Variants in B3GALT1 observed in about 807,000 individuals in gnomAD.
The protein encoded by B3GALT1 is beta-1,3-galactosyltransferase 1, also known as UDP-Gal:betaGlcNAc beta 1,3-galactosyltransferase, polypeptide 1.
Under a neutral mutation model 23.2 loss-of-function variants are expected in B3GALT1, and 10 were observed. That is an observed-to-expected ratio of 0.43 (90% CI 0.27 to 0.73). The LOEUF (loss-of-function observed/expected upper bound fraction) is 0.73. Among genes scored for constraint, B3GALT1 ranks in the 30% least tolerant of loss-of-function variants. The pLI is 0.21. For synonymous variants in B3GALT1, 156 were observed against 141.5 expected, an observed-to-expected ratio of 1.10 and a Z score of -0.73; for missense variants, 299 against 405.4, an observed-to-expected ratio of 0.74 and a Z score of 2.25.
At position 167,386,945 on chromosome 2, in the gene B3GALT1, G is replaced by A. The variant is rs1472838830; in HGVS notation, c.-511+93611G>A. Among the ~76,000 whole-genome samples, 6 of 152,144 alleles carry A rather than the reference G, an allele frequency of 3.9e-5. No homozygotes were observed. The South Asian group carries it at 6.2e-4, about 16-fold the overall frequency. On this transcript the variant is annotated intron_variant, in intron 1 of 4. Coordinates refer to ENST00000392690, the MANE Select transcript of B3GALT1 (RefSeq NM_020981.4). ...TTAACTGTCTCTCACCTCCTCTGCC[G>A]CTTGAGTGACTCCTTGGTTGCTTTA... is the stretch of plus-strand genomic sequence containing the variant.
chr2:167,699,378 C>CTTTTTTTTT (rs1285786645), intron 3 of B3GALT1, among the ~76,000 whole-genome samples: 5 of 78,636 alleles, frequency 6.4e-5, no homozygotes, highest in Non-Finnish European at 1.3e-4. Flanking sequence ...GCCATTATTT[C>CTTTTTTTTT]TATTTTTTTT....
intron 1 of B3GALT1, among the ~76,000 whole-genome samples, chr2:167,325,962 C>T (rs9751666): frequency 0.8 from 120,927 of 151,860 alleles, 49,925 homozygotes; most frequent in Non-Finnish European, 0.9. Flanking sequence ...GTGGTCCACC[C>T]GCCTTGGCCT....
intron 3 of B3GALT1, among the ~76,000 whole-genome samples, chr2:167,745,332 G>A (rs974472769): frequency 2.6e-5 from 4 of 151,672 alleles, no homozygotes; most frequent in South Asian, 4.2e-4. Context: ...AACTAGACAC[G>A]ATTATGGTTA....
intron 1 of B3GALT1, among the ~76,000 whole-genome samples, chr2:167,322,627 G>T (rs1696831006): frequency 6.6e-6 from 1 of 151,958 alleles, no homozygotes; most frequent in South Asian, 2.1e-4. Context: ...GCAAGGGAAT[G>T]AATAAGAGAT....
intron 3 of B3GALT1, among the ~76,000 whole-genome samples, chr2:167,671,084 A>T (rs912833646): frequency 6.6e-6 from 1 of 152,202 alleles, no homozygotes; most frequent in African/African-American, 2.4e-5. Flanking sequence ...CTGTGACAAG[A>T]CCAAGAAGGT....
At chr2:167,736,624 G>C (rs938861390) in intron 3 of B3GALT1, among the ~76,000 whole-genome samples, 5 of 152,204 alleles carry the variant, frequency 3.3e-5, no homozygotes, top group African/African-American at 1.2e-4. Context: ...CAATGAGGCT[G>C]GATGCAGTGG....
intron 2 of B3GALT1, among the ~76,000 whole-genome samples, chr2:167,611,704 T>G (rs1685069829): frequency 6.6e-6 from 1 of 151,976 alleles, no homozygotes. Context: ...GAGCAGCGCC[T>G]TGGGGTCACA....
chr2:167,391,726 T>C (rs913493737), intron 1 of B3GALT1, among the ~76,000 whole-genome samples: 24 of 152,194 alleles, frequency 1.6e-4, no homozygotes, highest in African/African-American at 5.5e-4. Context: ...ACCCCTATTT[T>C]CTTTCTACAG....
chr2:167,623,575 G>A (rs963553672), intron 2 of B3GALT1, among the ~76,000 whole-genome samples: 3 of 151,986 alleles, frequency 2.0e-5, no homozygotes, highest in African/African-American at 7.2e-5. Flanking sequence ...GCACAGGGAG[G>A]GGAACATCAC....
chr2:167,778,282 T>C (rs1335917214), intron 3 of B3GALT1, among the ~76,000 whole-genome samples: 1 of 152,162 alleles, frequency 6.6e-6, no homozygotes, highest in Non-Finnish European at 1.5e-5. Context: ...CTGTGTTTTA[T>C]TTTCTCTTTT....
At chr2:167,669,146 G>A (rs558057791) in intron 3 of B3GALT1, among the ~76,000 whole-genome samples, 2 of 152,130 alleles carry the variant, frequency 1.3e-5, no homozygotes, top group African/African-American at 4.8e-5. Flanking sequence ...CTCCTCCTAA[G>A]AACAGAATTG....
intron 2 of B3GALT1, among the ~76,000 whole-genome samples, chr2:167,600,504 C>G (rs1388412406): frequency 2.6e-5 from 4 of 152,108 alleles, no homozygotes; most frequent in Non-Finnish European, 5.9e-5. Context: ...AAAAAAGAAA[C>G]CTGTACCCTT....
intron 2 of B3GALT1, among the ~76,000 whole-genome samples, chr2:167,580,604 T>A (rs1684466481): frequency 6.6e-6 from 1 of 152,182 alleles, no homozygotes; most frequent in African/African-American, 2.4e-5. Flanking sequence ...GACCACTCTC[T>A]GTTGGGCCTG....
At chr2:167,454,972 G>A (rs1219131024) in intron 1 of B3GALT1, among the ~76,000 whole-genome samples, 2 of 152,170 alleles carry the variant, frequency 1.3e-5, no homozygotes, top group African/African-American at 4.8e-5. Flanking sequence ...ATCCATTAAC[G>A]AGCAGCAGTA....
intron 2 of B3GALT1, among the ~76,000 whole-genome samples, chr2:167,571,376 C>G (rs1040698355): frequency 5.9e-5 from 9 of 151,878 alleles, no homozygotes; most frequent in Non-Finnish European, 1.0e-4. Flanking sequence ...CCTTAATTCT[C>G]TTTATTAACT....
intron 4 of B3GALT1, among the ~76,000 whole-genome samples, chr2:167,826,354 A>T (rs1413193415): frequency 6.6e-6 from 1 of 152,170 alleles, no homozygotes; most frequent in Non-Finnish European, 1.5e-5. Flanking sequence ...GACCAGTGTC[A>T]TTTGGTCCCT....
intron 2 of B3GALT1, among the ~76,000 whole-genome samples, chr2:167,513,614 A>G (rs774499842): frequency 5.9e-5 from 9 of 152,194 alleles, no homozygotes; most frequent in Non-Finnish European, 1.3e-4. Flanking sequence ...AGCTTCAGAA[A>G]ATAAGTAAAT....
chr2:167,680,240 A>G (rs985656249), intron 3 of B3GALT1, among the ~76,000 whole-genome samples: 1 of 152,224 alleles, frequency 6.6e-6, no homozygotes, highest in Non-Finnish European at 1.5e-5. Context: ...ATTTATAAAT[A>G]TGCATCAGTG....
chr2:167,796,300 G>A (rs751283163), intron 3 of B3GALT1, among the ~76,000 whole-genome samples: 14 of 151,994 alleles, frequency 9.2e-5, no homozygotes, highest in African/African-American at 1.2e-4. Flanking sequence ...TTCATAAATT[G>A]GATCTGATTT....
Sources: allele counts gnomAD v4.1 joint callset (sites outside exome capture counted in the v4.1 genomes callset), GRCh38; gene constraint gnomAD v4.1.1; transcripts MANE v1.5; gene names NCBI Gene and HGNC (gene_info 2026-07-23, HGNC 2026-07-21).